Variants in MTUS2 observed in about 807,000 individuals in gnomAD.
The protein encoded by MTUS2 is microtubule associated scaffold protein 2, also known as microtubule-associated tumor suppressor candidate 2.
In MTUS2, 40 loss-of-function variants were observed where a neutral mutation model predicts 114.1. That is an observed-to-expected ratio of 0.35 (90% CI 0.27 to 0.46). The LOEUF (loss-of-function observed/expected upper bound fraction) is 0.46, where lower values mean the gene tolerates loss of function less well. Ranked by LOEUF, MTUS2 falls within the 20% of genes least tolerant of loss-of-function variation. MTUS2 has a pLI of 1.00. For synonymous variants in MTUS2, 688 were observed against 672.0 expected (o/e 1.02, Z -0.37); for missense variants, 1,679 against 1,705.4 (o/e 0.98, Z 0.27).
intron 5 of MTUS2, among the ~76,000 whole-genome samples, chr13:29,144,907 G>A (rs994710288): frequency 2.6e-5 from 4 of 152,198 alleles, no homozygotes; most frequent in Non-Finnish European, 5.9e-5. Flanking sequence ...CTTACAGTAT[G>A]TCTGCCACAG....
Position 29,497,335 on chromosome 13 carries a change from A to G in MTUS2, c.3677A>G (p.Glu1226Gly). The G allele has an allele frequency of 6.2e-7, 1 of 1,610,090 alleles. No individual in the cohort carries two copies. Among genetic ancestry groups the G allele is most frequent in the Non-Finnish European group, 8.5e-7 (1 of 1,179,014 alleles). Reference protein sequence around the residue: ...ALRKNTEEQLEIALAPYQHLE... With the variant: ...ALRKNTEEQLGIALAPYQHLE... The stretch of plus-strand genomic sequence containing the variant: ...AGGAAGAACACAGAGGAGCAGCTGG[A>G]GGTCGTTTCTGGATTCCAGGCTTCC... The change falls in exon 13 of 16, where the codon GAG becomes GGG. Residue 1226 changes from glutamate (E) to glycine (G), a missense_variant and splice_region_variant. Coordinates refer to ENST00000612955, the MANE Select transcript of MTUS2 (RefSeq NM_001033602.4).
intron 7 of MTUS2, chr13:29,339,597 G>A (rs747026476): frequency 1.1e-4 from 18 of 157,172 alleles, no homozygotes; most frequent in African/African-American, 3.9e-4. Context: ...GGGGGGTGCC[G>A]GGCCTTCCAA....
chr13:29,218,013 A>C (rs1343677410), intron 5 of MTUS2, among the ~76,000 whole-genome samples: 1 of 152,106 alleles, frequency 6.6e-6, no homozygotes, highest in East Asian at 1.9e-4. Context: ...CCAGCTACTG[A>C]GGCTGAGGCA....
chr13:29,323,530 G>A (rs1409130351), intron 6 of MTUS2, among the ~76,000 whole-genome samples: 6 of 152,290 alleles, frequency 3.9e-5, no homozygotes, highest in African/African-American at 1.2e-4. Flanking sequence ...GATGACAGGC[G>A]TGAGCCACCA....
At chr13:29,326,231 A>G (rs1241903993) in intron 7 of MTUS2, among the ~76,000 whole-genome samples, 1 of 152,186 alleles carries the variant, frequency 6.6e-6, no homozygotes, top group Non-Finnish European at 1.5e-5. Flanking sequence ...ACCTTTGACC[A>G]CAAGCCAGCC....
rs369036675 is a variant in MTUS2, at chr13:29,159,677, A to T, written c.2644+58707A>T. Among the ~76,000 whole-genome samples, 3 of 152,178 alleles carry T rather than the reference A, an allele frequency of 2.0e-5. No homozygotes were observed. In the East Asian group the frequency reaches 5.8e-4, roughly 29 times the overall value. ...AAAAAAAAATCCAATTAGAACGTAG[A>T]TAAGAGATATGAGCAGCCATCTCAC... On this transcript the variant is annotated intron_variant, in intron 5 of 15. Coordinates refer to ENST00000612955, the MANE Select transcript of MTUS2 (RefSeq NM_001033602.4).
intron 10 of MTUS2, chr13:29,487,670 T>C: frequency 1.8e-6 from 1 of 562,378 alleles, no homozygotes; most frequent in Non-Finnish European, 3.2e-6. Context: ...CCTCAGGCAG[T>C]GATCCCCTGC....
intron 7 of MTUS2, among the ~76,000 whole-genome samples, chr13:29,334,762 C>G (rs756310552): frequency 2.6e-5 from 4 of 152,074 alleles, no homozygotes; most frequent in Non-Finnish European, 4.4e-5. Flanking sequence ...TGTGGGAAGT[C>G]AGGGACCCCG....
chr13:29,284,242 G>A (rs774205590), intron 6 of MTUS2, among the ~76,000 whole-genome samples: 2 of 152,236 alleles, frequency 1.3e-5, no homozygotes, highest in Middle Eastern at 3.4e-3. Context: ...TGGGGAAATA[G>A]CTCTTTGTAT....
chr13:28,986,270 C>T (rs781646241), intron 2 of MTUS2, among the ~76,000 whole-genome samples: 2 of 152,090 alleles, frequency 1.3e-5, no homozygotes, highest in African/African-American at 2.4e-5. Context: ...GTGTCCAGTA[C>T]ACATCTGGAT....
intron 1 of MTUS2, among the ~76,000 whole-genome samples, chr13:28,828,796 A>G (rs1370633100): frequency 6.6e-6 from 1 of 152,176 alleles, no homozygotes; most frequent in Admixed American, 6.5e-5. Context: ...AATGAACAAA[A>G]TATCAAAATT....
chr13:28,924,342 G>C lies in MTUS2; in HGVS notation c.-243+84492G>C, dbSNP rs138041155. On this transcript the variant is annotated intron_variant, in intron 2 of 15. Transcript: ENST00000612955. ...AGTCTGTGCCGTTTTATTCAGAATT[G>C]TGTATTTGTTGCTGAGCTTTCATTA... Among the ~76,000 whole-genome samples, 289 of 152,258 alleles carry C rather than the reference G, an allele frequency of 1.9e-3. 7 individuals are homozygous for C. The highest frequency in any genetic ancestry group is 7.6e-4 in the Non-Finnish European group (52 of 68,022).
intron 5 of MTUS2, among the ~76,000 whole-genome samples, chr13:29,109,018 CTTG>C (rs1220386895): frequency 6.6e-6 from 1 of 152,188 alleles, no homozygotes; most frequent in African/African-American, 2.4e-5. Context: ...TACTACTTCA[CTTG>C]TTGTGTATGT....
intron 8 of MTUS2, among the ~76,000 whole-genome samples, chr13:29,436,161 G>A (rs774280283): frequency 6.6e-6 from 1 of 152,182 alleles, no homozygotes; most frequent in African/African-American, 2.4e-5. Context: ...AAGCTTCATG[G>A]TAATAAGTGC....
chr13:28,898,092 T>C (rs1332220474), intron 2 of MTUS2, among the ~76,000 whole-genome samples: 1 of 150,842 alleles, frequency 6.6e-6, no homozygotes, highest in African/African-American at 2.4e-5. Flanking sequence ...GGCTGGGGAG[T>C]GGGCAGTATA....
chr13:29,429,116 T>C (rs1876805353), intron 8 of MTUS2, among the ~76,000 whole-genome samples: 1 of 152,242 alleles, frequency 6.6e-6, no homozygotes, highest in Non-Finnish European at 1.5e-5. Flanking sequence ...AATTCTGTAT[T>C]CCTGCAGTCT....
intron 5 of MTUS2, among the ~76,000 whole-genome samples, chr13:29,102,084 A>G (rs990693237): frequency 5.9e-5 from 9 of 152,204 alleles, no homozygotes; most frequent in Admixed American, 5.2e-4. Context: ...CATTTAAGGA[A>G]TATCACTGTA....
intron 8 of MTUS2, among the ~76,000 whole-genome samples, chr13:29,386,526 C>T (rs1223042317): frequency 6.6e-6 from 1 of 152,166 alleles, no homozygotes; most frequent in Non-Finnish European, 1.5e-5. Context: ...TAGCCAGATT[C>T]TTGCTCCAGC....
chr13:29,061,130 G>C (rs2138646603), intron 4 of MTUS2, among the ~76,000 whole-genome samples: 1 of 152,170 alleles, frequency 6.6e-6, no homozygotes, highest in African/African-American at 2.4e-5. Flanking sequence ...TTGGATGTTG[G>C]ACATTGTGAA....
Sources: allele counts gnomAD v4.1 joint callset (sites outside exome capture counted in the v4.1 genomes callset), GRCh38; gene constraint gnomAD v4.1.1; transcripts MANE v1.5; gene names NCBI Gene and HGNC (gene_info 2026-07-23, HGNC 2026-07-21).